TAS2R1: variants seen among roughly 807,000 people sequenced by gnomAD.
The protein encoded by TAS2R1 is taste 2 receptor member 1.
For missense variants in TAS2R1, 370 were observed against 353.4 expected (o/e 1.05, Z -0.38); for synonymous variants, 141 against 134.2 (o/e 1.05, Z -0.35).
chr5:9,832,341 C>T, the TAS2R1 span, among the ~76,000 whole-genome samples: 1 of 152,194 alleles, frequency 6.6e-6, no homozygotes, highest in Non-Finnish European at 1.5e-5. Flanking sequence ...TCAAAACATG[C>T]TGGTGATTGT....
At chr5:9,821,972 G>A in the TAS2R1 span, among the ~76,000 whole-genome samples, 3 of 152,096 alleles carry the variant, frequency 2.0e-5, no homozygotes, top group Non-Finnish European at 4.4e-5. Flanking sequence ...CTAAGGCTGG[G>A]GCTTGGAAGT....
At chr5:9,689,389 C>T (rs1481595485) in intron 1 of TAS2R1, among the ~76,000 whole-genome samples, 1 of 152,116 alleles carries the variant, frequency 6.6e-6, no homozygotes, top group East Asian at 1.9e-4. Context: ...GTCCAGGTTC[C>T]GCCCCAGACC....
the TAS2R1 span, among the ~76,000 whole-genome samples, chr5:9,842,316 C>CGTTTTTTTTTTTTTTTTTTTTTT: frequency 8.6e-6 from 1 of 116,230 alleles, no homozygotes; most frequent in Non-Finnish European, 1.7e-5. Flanking sequence ...TTCTTTCTCT[C>CGTTTTTTTTTTTTTTTTTTTTTT]TTTTTTTTTT....
At chr5:9,806,608 A>C in the TAS2R1 span, among the ~76,000 whole-genome samples, 1 of 152,120 alleles carries the variant, frequency 6.6e-6, no homozygotes, top group African/African-American at 2.4e-5. Context: ...ACTTACAGCC[A>C]ATTGATTTTC....
chr5:9,893,794 G>A, the TAS2R1 span, among the ~76,000 whole-genome samples: 3 of 152,104 alleles, frequency 2.0e-5, no homozygotes, highest in Non-Finnish European at 4.4e-5. Context: ...TACTGAATAA[G>A]ACTCTGTGGG....
the TAS2R1 span, among the ~76,000 whole-genome samples, chr5:9,856,696 AC>A: frequency 6.6e-6 from 1 of 152,196 alleles, no homozygotes; most frequent in Non-Finnish European, 1.5e-5. Flanking sequence ...CCACAATAAA[AC>A]CCTTAGACAA....
intron 2 of TAS2R1, chr5:9,641,747 C>T (rs571769898): frequency 6.6e-6 from 1 of 152,168 alleles, no homozygotes; most frequent in Non-Finnish European, 1.5e-5. Context: ...ACAACAAATA[C>T]AATTTTTAAA....
At chr5:9,769,402 A>T in the TAS2R1 span, among the ~76,000 whole-genome samples, 1 of 152,158 alleles carries the variant, frequency 6.6e-6, no homozygotes, top group Non-Finnish European at 1.5e-5. Context: ...TCTCTTTTAT[A>T]TACTGATTTC....
At chr5:9,787,976 T>C in the TAS2R1 span, among the ~76,000 whole-genome samples, 3 of 152,202 alleles carry the variant, frequency 2.0e-5, no homozygotes, top group Non-Finnish European at 4.4e-5. Flanking sequence ...AAGCTCAATG[T>C]GGCACAATCC....
chr5:9,742,132 G>A, the TAS2R1 span, among the ~76,000 whole-genome samples: 7 of 152,082 alleles, frequency 4.6e-5, no homozygotes, highest in Non-Finnish European at 1.0e-4. Flanking sequence ...TGATCTGCCC[G>A]CCTCAGCCTC....
At chr5:9,752,786 A>T in the TAS2R1 span, among the ~76,000 whole-genome samples, 1 of 148,510 alleles carries the variant, frequency 6.7e-6, no homozygotes, top group African/African-American at 2.5e-5. Flanking sequence ...CCTATGAGTG[A>T]GAACATGCGG....
At chr5:9,840,857 ATTTTTTTTTTTTTTTTTTTTT>A in the TAS2R1 span, among the ~76,000 whole-genome samples, 68 of 132,104 alleles carry the variant, frequency 5.1e-4, no homozygotes, top group Middle Eastern at 3.9e-3. Context: ...TTATTTATTT[ATTTTTTTTTTTTTTTTTTTTT>A]TTTTTTTTTT....
chr5:9,668,991 C>A (rs1031881016), intron 1 of TAS2R1, among the ~76,000 whole-genome samples: 5 of 152,028 alleles, frequency 3.3e-5, no homozygotes, highest in Non-Finnish European at 5.9e-5. Flanking sequence ...GAAGCAAGAC[C>A]CAACTATATG....
intron 1 of TAS2R1, among the ~76,000 whole-genome samples, chr5:9,695,955 G>A (rs1741347363): frequency 1.3e-5 from 2 of 152,180 alleles, no homozygotes. Context: ...GGGAAATAAA[G>A]TAAATTATAT....
the TAS2R1 span, among the ~76,000 whole-genome samples, chr5:9,752,602 GGTTT>G: frequency 2.6e-5 from 4 of 152,148 alleles, no homozygotes; most frequent in African/African-American, 7.2e-5. Context: ...ACAACATGCA[GGTTT>G]GTTACATATG....
At chr5:9,762,430 G>A in the TAS2R1 span, among the ~76,000 whole-genome samples, 3 of 152,156 alleles carry the variant, frequency 2.0e-5, no homozygotes, top group Admixed American at 6.5e-5. Context: ...GGGGTAAAAA[G>A]GATTAAGCTT....
the TAS2R1 span, among the ~76,000 whole-genome samples, chr5:9,802,631 G>A: frequency 2.2e-4 from 34 of 152,274 alleles, 1 homozygote; most frequent in East Asian, 6.0e-3. Context: ...GGCTGGGCAC[G>A]GTGGCTTACA....
the TAS2R1 span, among the ~76,000 whole-genome samples, chr5:9,793,259 T>C: frequency 6.6e-6 from 1 of 152,140 alleles, no homozygotes; most frequent in Non-Finnish European, 1.5e-5. Context: ...GATGCAGACA[T>C]ATTGTATAAA....
At chr5:9,792,086 C>T in the TAS2R1 span, among the ~76,000 whole-genome samples, 2 of 152,202 alleles carry the variant, frequency 1.3e-5, no homozygotes, top group African/African-American at 4.8e-5. Context: ...ATGTCTAATA[C>T]ACATTCAATG....
Sources: allele counts gnomAD v4.1 joint callset (sites outside exome capture counted in the v4.1 genomes callset), GRCh38; gene constraint gnomAD v4.1.1; transcripts MANE v1.5; gene names NCBI Gene and HGNC (gene_info 2026-07-23, HGNC 2026-07-21).